RNF11: variants seen among roughly 807,000 people sequenced by gnomAD.
RNF11 encodes ring finger protein 11.
A neutral mutation model predicts 15.8 loss-of-function variants in RNF11; 4 were observed. That is an observed-to-expected ratio of 0.25 (90% CI 0.12 to 0.58). RNF11 has a LOEUF of 0.58. Ranked by LOEUF, RNF11 falls within the 20% of genes least tolerant of loss-of-function variation. The probability of loss-of-function intolerance (pLI) is 0.91; values close to 1 mark genes in which losing one functional copy is unlikely to be tolerated. For synonymous variants in RNF11, 68 were observed against 72.3 expected (o/e 0.94, Z 0.30); for missense variants, 139 against 194.4 (o/e 0.71, Z 1.70).
rs974305356 is a variant in RNF11 at position 51,251,242 on chromosome 1, C to A, written c.123+14363C>A. 6.1e-5 allele frequency: 80 copies of A among 1,313,164 alleles called. No individual in the cohort carries two copies. The African/African-American group carries it at 1.1e-3, about 18-fold the overall frequency. 81.3% of individuals were successfully genotyped at this position (1,313,164 alleles called of 1,614,324 possible). ...ATGGGCAGGGAGAAGAGATAGATCT[C>A]CTCCAGGGACTTGATCTTCATGTCC... is the stretch of plus-strand genomic sequence containing the variant. On this transcript the variant is annotated intron_variant, in intron 1 of 2. Coordinates refer to ENST00000242719, the MANE Select transcript of RNF11 (RefSeq NM_014372.5).
In RNF11 at chr1:51,263,389, A is replaced by T. The variant is rs75150847; in HGVS notation, c.124-6567A>T. Among the ~76,000 whole-genome samples the T allele has an allele frequency of 5.4e-4, 83 of 152,340 alleles. 1 individual carries two copies. In the East Asian group the frequency reaches 0.013, roughly 24 times the overall value. Reference sequence around the variant, plus strand: ...ATGCTAAGTGAAAGTCGAGCCACAAAAGACCACATATTAGTATGATTCCAT... The same window carrying T: ...ATGCTAAGTGAAAGTCGAGCCACAATAGACCACATATTAGTATGATTCCAT... On this transcript the variant is annotated intron_variant, in intron 1 of 2. Coordinates refer to ENST00000242719, the MANE Select transcript of RNF11 (RefSeq NM_014372.5).
intron 1 of RNF11, among the ~76,000 whole-genome samples, chr1:51,244,552 A>G (rs1396566314): frequency 6.6e-6 from 1 of 151,902 alleles, no homozygotes; most frequent in Non-Finnish European, 1.5e-5. Flanking sequence ...ACACCTGGCT[A>G]ATTTTTTGTA....
intron 1 of RNF11, among the ~76,000 whole-genome samples, chr1:51,252,962 G>T (rs1432313694): frequency 6.6e-6 from 1 of 151,710 alleles, no homozygotes; most frequent in Admixed American, 6.6e-5. Context: ...AAGTAGCTGG[G>T]ATTATAGGCG....
chr1:51,240,048 T>C (rs1303774034), intron 1 of RNF11, among the ~76,000 whole-genome samples: 1 of 152,262 alleles, frequency 6.6e-6, no homozygotes, highest in Non-Finnish European at 1.5e-5. Context: ...TTGTCCTCGC[T>C]AAGGCCTGTC....
At chr1:51,249,182 A>G (rs1394724641) in intron 1 of RNF11, among the ~76,000 whole-genome samples, 1 of 151,748 alleles carries the variant, frequency 6.6e-6, no homozygotes, top group Non-Finnish European at 1.5e-5. Context: ...CAGTAAAAGT[A>G]TGTGTGTGTA....
intron 1 of RNF11, among the ~76,000 whole-genome samples, chr1:51,247,817 A>G (rs1004095421): frequency 6.6e-6 from 1 of 152,186 alleles, no homozygotes; most frequent in African/African-American, 2.4e-5. Flanking sequence ...TCTAGAAAGC[A>G]TACTGTAAGG....
At chr1:51,257,320 C>G (rs1646908173) in intron 1 of RNF11, among the ~76,000 whole-genome samples, 1 of 152,190 alleles carries the variant, frequency 6.6e-6, no homozygotes, top group South Asian at 2.1e-4. Flanking sequence ...GTTTATTTTC[C>G]TCTCCGCCTC....
intron 1 of RNF11, among the ~76,000 whole-genome samples, chr1:51,252,562 C>T (rs1440083459): frequency 1.3e-5 from 2 of 151,930 alleles, no homozygotes; most frequent in African/African-American, 4.8e-5. Context: ...TTGCAGTATG[C>T]CAAGATTGCG....
chr1:51,236,799 C>T lies in RNF11; in HGVS notation c.43C>T (p.Leu15=), dbSNP rs994238286. 3.1e-6 allele frequency: 5 copies of T among 1,613,424 alleles called. No individual in the cohort carries two copies. Among genetic ancestry groups the T allele is most frequent in the Admixed American group, 3.3e-5 (2 of 59,952 alleles). ...LKSPTSDDIS[L]LHESQSDRAS... is the part of the protein sequence containing the mutation. ...ATCCCCCACCTCGGATGACATCTCC[C>T]TGCTTCACGAGTCTCAGTCCGACCG... is the stretch of plus-strand genomic sequence containing the variant. Residue 15 remains leucine, a synonymous_variant, in exon 1 of 3, where the codon CTG becomes TTG. Transcript: ENST00000242719.
At chr1:51,247,556 G>T (rs1162362312) in intron 1 of RNF11, among the ~76,000 whole-genome samples, 1 of 151,822 alleles carries the variant, frequency 6.6e-6, no homozygotes, top group Non-Finnish European at 1.5e-5. Context: ...AAAGTGAAGT[G>T]CTGGAATAAC....
At chr1:51,256,668 T>C (rs1413067533) in intron 1 of RNF11, among the ~76,000 whole-genome samples, 2 of 151,780 alleles carry the variant, frequency 1.3e-5, no homozygotes, top group Non-Finnish European at 2.9e-5. Context: ...ATTTTTGTTG[T>C]TGTTGTTGTT....
chr1:51,257,049 A>G (rs187244220), intron 1 of RNF11, among the ~76,000 whole-genome samples: 110 of 152,276 alleles, frequency 7.2e-4, no homozygotes, highest in Non-Finnish European at 1.3e-3. Context: ...CCAGGACTTA[A>G]TGTCAGTGTT....
chr1:51,246,910 C>T (rs1205651054), intron 1 of RNF11, among the ~76,000 whole-genome samples: 5 of 148,712 alleles, frequency 3.4e-5, no homozygotes, highest in Admixed American at 1.4e-4. Context: ...CCCAGGAGTT[C>T]GAGGCTGCAG....
chr1:51,257,492 C>T (rs1287495437), intron 1 of RNF11, among the ~76,000 whole-genome samples: 2 of 151,944 alleles, frequency 1.3e-5, no homozygotes, highest in Non-Finnish European at 1.5e-5. Flanking sequence ...TCTTGCTCTG[C>T]GGACCAGAAT....
chr1:51,244,607 C>T (rs1426127752), intron 1 of RNF11, among the ~76,000 whole-genome samples: 1 of 152,120 alleles, frequency 6.6e-6, no homozygotes, highest in African/African-American at 2.4e-5. Context: ...ATCTCCTGAC[C>T]TTGTGATCCT....
Position 51,236,357 on chromosome 1 carries a change from G to C in RNF11, c.-400G>C, listed in dbSNP as rs1490934047. On this transcript the variant is annotated 5_prime_UTR_variant, in exon 1 of 3. Transcript: ENST00000242719. ...GCCCGCGGCCGTGGCTCCGGCGTCG[G>C]CGGGGGCAGCAGCAGCTGAGGCAGC... is the stretch of plus-strand genomic sequence containing the variant. The C allele has an allele frequency of 1.3e-5, 2 of 155,264 alleles. No individual in the cohort carries two copies. Among genetic ancestry groups the C allele is most frequent in the African/African-American group, 4.8e-5 (2 of 41,484 alleles). 9.6% of individuals were successfully genotyped at this position (155,264 alleles called of 1,614,324 possible). A position where few individuals can be genotyped will look rare whatever the true frequency, so the allele number is the denominator to read the frequency against.
At chr1:51,250,368 A>ATGT (rs1646871328) in intron 1 of RNF11, among the ~76,000 whole-genome samples, 1 of 152,166 alleles carries the variant, frequency 6.6e-6, no homozygotes, top group Non-Finnish European at 1.5e-5. Flanking sequence ...TGTAGTCACT[A>ATGT]TGTTATACAA....
chr1:51,248,737 C>T (rs1200489933), intron 1 of RNF11, among the ~76,000 whole-genome samples: 1 of 152,018 alleles, frequency 6.6e-6, no homozygotes, highest in Non-Finnish European at 1.5e-5. Flanking sequence ...CTTCTGTATC[C>T]TTTGGATAAT....
chr1:51,270,610 A>G (rs944962963), intron 2 of RNF11, among the ~76,000 whole-genome samples: 1 of 152,202 alleles, frequency 6.6e-6, no homozygotes, highest in Non-Finnish European at 1.5e-5. Flanking sequence ...ACTTACAGCA[A>G]CCCAGTAAGT....
Sources: allele counts gnomAD v4.1 joint callset (sites outside exome capture counted in the v4.1 genomes callset), GRCh38; gene constraint gnomAD v4.1.1; transcripts MANE v1.5; gene names NCBI Gene and HGNC (gene_info 2026-07-23, HGNC 2026-07-21).